Variants in INPP4B observed in about 807,000 individuals in gnomAD.
INPP4B encodes the protein inositol polyphosphate 4-phosphatase type II.
A neutral mutation model predicts 122.5 loss-of-function variants in INPP4B; 55 were observed. That is an observed-to-expected ratio of 0.45 (90% CI 0.36 to 0.56). INPP4B has a LOEUF of 0.56. INPP4B is among the 20% of genes least tolerant of loss of function. The pLI, the probability that INPP4B is intolerant of heterozygous loss-of-function variation, is 0.00. For synonymous variants in INPP4B, 403 were observed against 388.7 expected (o/e 1.04, Z -0.43); for missense variants, 1,000 against 1,097.7 (o/e 0.91, Z 1.26).
chr4:142,119,740 AC>A (rs1226001413), intron 21 of INPP4B, among the ~76,000 whole-genome samples: 2 of 151,872 alleles, frequency 1.3e-5, no homozygotes, highest in Non-Finnish European at 2.9e-5. Flanking sequence ...GCAGATGTAT[AC>A]ACATGTAACA....
chr4:142,789,332 C>T (rs1453890028), intron 1 of INPP4B, among the ~76,000 whole-genome samples: 1 of 152,002 alleles, frequency 6.6e-6, no homozygotes, highest in East Asian at 1.9e-4. Context: ...AACTAGAAAA[C>T]CATAAACACT....
intron 5 of INPP4B, among the ~76,000 whole-genome samples, chr4:142,408,082 G>T (rs1210728512): frequency 6.6e-6 from 1 of 152,098 alleles, no homozygotes; most frequent in South Asian, 2.1e-4. Flanking sequence ...ATTTCATAAG[G>T]TGAAACCTAT....
At chr4:142,340,052 T>C (rs922264518) in intron 7 of INPP4B, among the ~76,000 whole-genome samples, 2 of 152,194 alleles carry the variant, frequency 1.3e-5, no homozygotes, top group East Asian at 1.9e-4. Context: ...GTTGTTTTCA[T>C]ATTACAGAAA....
At chr4:142,248,719 G>A (rs779676016) in intron 11 of INPP4B, among the ~76,000 whole-genome samples, 2 of 151,796 alleles carry the variant, frequency 1.3e-5, no homozygotes, top group East Asian at 1.9e-4. Flanking sequence ...AGGGCCATGT[G>A]GGGAAATCAA....
chr4:142,385,577 A>G (rs186795812), intron 7 of INPP4B, among the ~76,000 whole-genome samples: 103 of 152,260 alleles, frequency 6.8e-4, no homozygotes, highest in African/African-American at 2.4e-3. Context: ...CTAATCCTGG[A>G]TATTGTCATT....
chr4:142,687,563 A>T (rs1433625391), intron 2 of INPP4B, among the ~76,000 whole-genome samples: 1 of 142,828 alleles, frequency 7.0e-6, no homozygotes, highest in African/African-American at 2.5e-5. Context: ...TTCCTCCAAA[A>T]AAAAAAAAAA....
chr4:142,352,193 G>A (rs1782125218), intron 7 of INPP4B, among the ~76,000 whole-genome samples: 1 of 151,852 alleles, frequency 6.6e-6, no homozygotes. Context: ...GAAAATCACA[G>A]GAATTCCTGT....
chr4:142,269,097 T>A (rs1231048870), intron 10 of INPP4B, among the ~76,000 whole-genome samples: 1 of 152,146 alleles, frequency 6.6e-6, no homozygotes, highest in East Asian at 1.9e-4. Flanking sequence ...AGGACAAGAC[T>A]AGAAAATCAT....
chr4:142,585,114 T>C (rs1049431403), intron 2 of INPP4B, among the ~76,000 whole-genome samples: 1 of 152,106 alleles, frequency 6.6e-6, no homozygotes, highest in Admixed American at 6.6e-5. Context: ...TTGTGTGATA[T>C]TGGTAGTGTT....
At chr4:142,115,686 G>C (rs947165533) in intron 21 of INPP4B, among the ~76,000 whole-genome samples, 4 of 152,096 alleles carry the variant, frequency 2.6e-5, no homozygotes, top group Admixed American at 2.0e-4. Flanking sequence ...AGGAACAACT[G>C]GTAGCAGCCC....
At chr4:142,359,510 A>T (rs1455547139) in intron 7 of INPP4B, among the ~76,000 whole-genome samples, 4 of 151,970 alleles carry the variant, frequency 2.6e-5, no homozygotes, top group African/African-American at 9.7e-5. Context: ...CATTTTTATC[A>T]TCTAAACCTC....
chr4:142,775,139 C>T (rs1171935952), intron 1 of INPP4B, among the ~76,000 whole-genome samples: 3 of 151,992 alleles, frequency 2.0e-5, no homozygotes, highest in Non-Finnish European at 4.4e-5. Flanking sequence ...TTTCATCATA[C>T]TGTATCAAGG....
intron 1 of INPP4B, among the ~76,000 whole-genome samples, chr4:142,729,253 C>T (rs1765748333): frequency 6.6e-6 from 1 of 152,158 alleles, no homozygotes; most frequent in South Asian, 2.1e-4. Flanking sequence ...TTCTAACAGG[C>T]CACAGACAGT....
intron 2 of INPP4B, among the ~76,000 whole-genome samples, chr4:142,634,891 G>A (rs1309539190): frequency 5.3e-5 from 8 of 151,990 alleles, no homozygotes; most frequent in Non-Finnish European, 1.2e-4. Flanking sequence ...CCAGGAATAT[G>A]GTTGTGTACT....
At chr4:142,464,860 C>T (rs1438866600) in intron 2 of INPP4B, among the ~76,000 whole-genome samples, 4 of 152,118 alleles carry the variant, frequency 2.6e-5, no homozygotes, top group African/African-American at 7.2e-5. Context: ...TATCTTTCAT[C>T]TTATTCAAAT....
In INPP4B at chr4:142,431,157, A is replaced by G; in HGVS notation, c.91+12T>C. 6.2e-7 allele frequency: 1 copy of G among 1,605,106 alleles called. No homozygotes were observed. Among genetic ancestry groups the G allele is most frequent in the Non-Finnish European group, 8.5e-7 (1 of 1,172,176 alleles). ...TAGATGCAAAAACAGGGAGGGATAC[A>G]CACATACTTACTTGTGAACTGACAG... On this transcript the variant is annotated intron_variant, in intron 4 of 25. Coordinates refer to ENST00000262992, the MANE Select transcript of INPP4B (RefSeq NM_001101669.3).
chr4:142,822,987 G>A (rs1312065382), intron 1 of INPP4B, among the ~76,000 whole-genome samples: 1 of 152,142 alleles, frequency 6.6e-6, no homozygotes, highest in Non-Finnish European at 1.5e-5. Context: ...TGGGTTGAAG[G>A]AGTGGCCACC....
At chr4:142,245,287 C>T (rs1291408650) in intron 11 of INPP4B, among the ~76,000 whole-genome samples, 1 of 152,098 alleles carries the variant, frequency 6.6e-6, no homozygotes, top group Admixed American at 6.6e-5. Flanking sequence ...GAAGTCTTTG[C>T]CCATGCCTAT....
rs1760991496 is a variant in INPP4B, at chr4:142,696,158, A to C, written c.-191+29681T>G. Among the ~76,000 whole-genome samples, 3 of 152,154 alleles carry C rather than the reference A, an allele frequency of 2.0e-5. No homozygotes were observed. In the South Asian group the frequency reaches 6.2e-4, roughly 32 times the overall value. ...ACAGTCCAGGAAGTCAAATAATGAC[A>C]CCAGCATATTCGATGGATTAAGGCA... On this transcript the variant is annotated intron_variant, in intron 2 of 25. Transcript: ENST00000262992.
Sources: allele counts gnomAD v4.1 joint callset (sites outside exome capture counted in the v4.1 genomes callset), GRCh38; gene constraint gnomAD v4.1.1; transcripts MANE v1.5; gene names NCBI Gene and HGNC (gene_info 2026-07-23, HGNC 2026-07-21).